Variants in DBF4B observed in about 807,000 individuals in gnomAD.
The protein encoded by DBF4B is DBF4B-CDC7 kinase regulatory subunit.
In DBF4B, 49 loss-of-function variants were observed where a neutral mutation model predicts 53.4. The ratio of observed to expected loss-of-function variants is 0.92; its 90% CI spans 0.73 to 1.16. The LOEUF (loss-of-function observed/expected upper bound fraction) is 1.16. Ranked by LOEUF, DBF4B falls within the 50% of genes most tolerant of loss-of-function variation. The pLI is 0.00. For synonymous variants in DBF4B, 257 were observed against 288.7 expected (o/e 0.89, Z 1.11); for missense variants, 692 against 775.0 (o/e 0.89, Z 1.27).
chr17:44,710,976 A>AT lies in DBF4B; in HGVS notation c.82+1637dup, dbSNP rs10522434. Reference sequence around the variant, plus strand: ...TTATTTTCGTTTTTATTCCAGTTTGATTTTTTTTTTTTTTTTTTTTTTTTT... The same window carrying AT: ...TTATTTTCGTTTTTATTCCAGTTTGATTTTTTTTTTTTTTTTTTTTTTTTTT... On this transcript the variant is annotated intron_variant, in intron 2 of 13. Coordinates refer to ENST00000315005, the MANE Select transcript of DBF4B (RefSeq NM_145663.3). 8.8e-3 allele frequency among the ~76,000 whole-genome samples: 866 copies of AT among 98,236 alleles called. 91 individuals carry two copies. The highest frequency in any genetic ancestry group is 0.019 in the South Asian group (59 of 3,126). The allele number at this position is 98,236 out of a possible 152,430, so 64.4% of individuals were successfully genotyped here. A position where few individuals can be genotyped will look rare whatever the true frequency, so the allele number is the denominator to read the frequency against.
chr17:44,714,136 C>T (rs1245469021), intron 2 of DBF4B, among the ~76,000 whole-genome samples: 1 of 152,032 alleles, frequency 6.6e-6, no homozygotes, highest in African/African-American at 2.4e-5. Flanking sequence ...GATGCAAAGA[C>T]ATGCAAAGTC....
chr17:44,714,180 A>G (rs1973137354), intron 2 of DBF4B, among the ~76,000 whole-genome samples: 1 of 152,086 alleles, frequency 6.6e-6, no homozygotes, highest in African/African-American at 2.4e-5. Context: ...ATGAGGGGGA[A>G]GGTTAGGAGA....
At position 44,730,064 on chromosome 17, in the gene DBF4B, C is replaced by T. The variant is rs770530115; in HGVS notation, c.385C>T (p.His129Tyr). 3.1e-6 allele frequency: 5 copies of T among 1,612,664 alleles called. No individual in the cohort carries two copies. In the African/African-American group the frequency reaches 4.0e-5, roughly 13 times the overall value. The change falls in exon 4 of 14, where the codon CAC (histidine) becomes TAC (tyrosine). Residue 129 changes from histidine (H) to tyrosine (Y), a missense_variant. Physicochemically the swap from His to Tyr is moderately conservative, Grantham distance 83 (BLOSUM62 2). This residue lies in a region of DBF4B where 597 missense variants were observed against 665.8 expected (regional missense o/e 0.90). Coordinates refer to ENST00000315005, the MANE Select transcript of DBF4B (RefSeq NM_145663.3). ...GGCCATGGTTGATCCAAAAGGCAGC[C>T]ACCCCAGGCCTTCACGGAAACCCGT... ...TSAMVDPKGS[H>Y]PRPSRKPVDS... is the part of the protein sequence containing the mutation.
At chr17:44,711,008 CAG>C (rs1186697026) in intron 2 of DBF4B, among the ~76,000 whole-genome samples, 3 of 95,096 alleles carry the variant, frequency 3.2e-5, no homozygotes, top group African/African-American at 1.4e-4. Flanking sequence ...TTTTTTGAGA[CAG>C]AGTCTCGCTT....
rs1567679128 is a variant in DBF4B, at chr17:44,749,307, CCT to C, written c.1189+843_1189+844del. ...AGCCCCATGCTGGCAGAGAGCTGCT[CCT>C]ACGAGTCCCCAAGGTGCTTGGCTCT... On this transcript the variant is annotated intron_variant, in intron 13 of 13. Coordinates refer to ENST00000315005, the MANE Select transcript of DBF4B (RefSeq NM_145663.3). The surrounding 1 kb of genome is among the most constrained non-coding windows in gnomAD (Gnocchi z 4.4). 1.6e-6 allele frequency: 2 copies of C among 1,290,182 alleles called. No homozygotes were observed. Among genetic ancestry groups the C allele is most frequent in the Non-Finnish European group, 2.0e-6 (2 of 988,860 alleles). 79.9% of individuals were successfully genotyped at this position (1,290,182 alleles called of 1,614,324 possible).
chr17:44,739,442 G>C (rs1975774106), intron 9 of DBF4B, among the ~76,000 whole-genome samples: 1 of 152,192 alleles, frequency 6.6e-6, no homozygotes, highest in African/African-American at 2.4e-5. Flanking sequence ...CCATCCTCCA[G>C]ACAAGCCCAG....
chr17:44,716,654 A>G (rs1973362309), intron 2 of DBF4B, among the ~76,000 whole-genome samples: 2 of 152,170 alleles, frequency 1.3e-5, no homozygotes, highest in African/African-American at 4.8e-5. Context: ...AGCCAAAAAC[A>G]TTTCCAGAGG....
At chr17:44,746,832 AGAG>A (rs1174782416) in intron 10 of DBF4B, among the ~76,000 whole-genome samples, 3 of 147,350 alleles carry the variant, frequency 2.0e-5, no homozygotes, top group African/African-American at 7.5e-5. Context: ...AAAAAAAAAA[AGAG>A]AGAGAGGACA....
intron 7 of DBF4B, among the ~76,000 whole-genome samples, chr17:44,735,187 C>A (rs1165744721): frequency 6.6e-6 from 1 of 152,194 alleles, no homozygotes; most frequent in African/African-American, 2.4e-5. Flanking sequence ...GACATTGCTG[C>A]TGTTAAATTT....
chr17:44,749,287 C>T lies in DBF4B; in HGVS notation c.1189+822C>T, dbSNP rs747291543. 1.7e-5 allele frequency: 22 copies of T among 1,290,302 alleles called. No individual in the cohort carries two copies. The South Asian group carries it at 2.7e-4, about 16-fold the overall frequency. 79.9% of individuals were successfully genotyped at this position (1,290,302 alleles called of 1,614,324 possible). Reference sequence around the variant, plus strand: ...CCAACCCCAGCCCCAGCCCCAGCCCCATGCTGGCAGAGAGCTGCTCCTACG... The same window carrying T: ...CCAACCCCAGCCCCAGCCCCAGCCCTATGCTGGCAGAGAGCTGCTCCTACG... On this transcript the variant is annotated intron_variant, in intron 13 of 13. Coordinates refer to ENST00000315005, the MANE Select transcript of DBF4B (RefSeq NM_145663.3). This position sits in a 1 kb window ranked among gnomAD's most constrained non-coding sequence, Gnocchi z 4.4.
intron 13 of DBF4B, chr17:44,748,738 A>C (rs2049179407): frequency 7.3e-7 from 1 of 1,363,504 alleles, no homozygotes; most frequent in African/African-American, 1.5e-5. Flanking sequence ...TGCTAAGAAG[A>C]GAGTGGGGGC....
intron 12 of DBF4B, 88 bp from the exon 13 acceptor site, chr17:44,748,253 C>G: frequency 6.7e-7 from 1 of 1,495,016 alleles, no homozygotes; most frequent in South Asian, 1.3e-5. Flanking sequence ...GAACCGCCAG[C>G]TGTGGCAGCT....
chr17:44,723,091 AT>A, intron 3 of DBF4B, 69 bp downstream of exon 3: 1 of 1,579,214 alleles, frequency 6.3e-7, no homozygotes, highest in Non-Finnish European at 8.6e-7. Context: ...TTGGATGGGG[AT>A]TATATCTATG....
intron 8 of DBF4B, among the ~76,000 whole-genome samples, chr17:44,737,807 A>G (rs534230447): frequency 8.6e-5 from 13 of 151,982 alleles, no homozygotes; most frequent in Admixed American, 2.6e-4. Context: ...TACCTGTGAT[A>G]TTTTTCTACC....
At chr17:44,738,455 C>T in intron 9 of DBF4B, 31 bp downstream of exon 9, 2 of 1,610,814 alleles carry the variant, frequency 1.2e-6, no homozygotes, top group South Asian at 2.2e-5. Flanking sequence ...CTGCTTGCCC[C>T]AGCTAGGCCT....
chr17:44,749,896 A>G lies in DBF4B; in HGVS notation c.1190-699A>G, dbSNP rs1297132344. 8 of 1,035,446 alleles carry G rather than the reference A, an allele frequency of 7.7e-6. No homozygotes were observed. The highest frequency in any genetic ancestry group is 9.3e-6 in the Non-Finnish European group (8 of 860,136). The allele number at this position is 1,035,446 out of a possible 1,614,324, so 64.1% of individuals were successfully genotyped here. A position where few individuals can be genotyped will look rare whatever the true frequency, so the allele number is the denominator to read the frequency against. ...TGTTTGTCCCCTCCCCCAGCCCCCC[A>G]CGCTCCCGCACACAGATCCTCAGGA... On this transcript the variant is annotated intron_variant, in intron 13 of 13. Coordinates refer to ENST00000315005, the MANE Select transcript of DBF4B (RefSeq NM_145663.3). The surrounding 1 kb of genome is among the most constrained non-coding windows in gnomAD (Gnocchi z 4.4).
At chr17:44,739,651 A>G (rs1975796231) in intron 9 of DBF4B, among the ~76,000 whole-genome samples, 1 of 152,266 alleles carries the variant, frequency 6.6e-6, no homozygotes, top group Admixed American at 6.5e-5. Context: ...GCACTGTTAC[A>G]GCCTCAGTAT....
intron 2 of DBF4B, among the ~76,000 whole-genome samples, chr17:44,714,914 G>T (rs1973199132): frequency 6.6e-6 from 1 of 151,960 alleles, no homozygotes; most frequent in African/African-American, 2.4e-5. Flanking sequence ...GCTCCCATAG[G>T]AAGGCTTTTA....
rs974948596 is a variant in DBF4B, at chr17:44,709,362, C to G, written c.78C>G (p.Asp26Glu). ...CTGAGAGTAGGCTCCGGGCCCCGGA[C>G]CTAGGTGGGTAACAGGACAGAACTA... Reference protein sequence around the residue: ...SMAESRLRAPDLGVSRCLGKC... With the variant: ...SMAESRLRAPELGVSRCLGKC... Residue 26 changes from aspartate (D) to glutamate (E), a missense_variant, in exon 2 of 14, where the codon GAC (aspartate) becomes GAG (glutamate). Transcript: ENST00000315005. The G allele has an allele frequency of 8.1e-6, 13 of 1,614,050 alleles. No individual in the cohort carries two copies. Among genetic ancestry groups the G allele is most frequent in the Non-Finnish European group, 1.1e-5 (13 of 1,179,998 alleles).
Sources: gnomAD v4.1 joint callset for allele counts (sites outside exome capture counted in the v4.1 genomes callset) on GRCh38, gnomAD v4.1.1 for gene constraint, gnomAD v4.1.1 regional missense constraint, Gnocchi (gnomAD v3.1) non-coding constraint, MANE v1.5 for transcripts, NCBI Gene and HGNC (gene_info 2026-07-23, HGNC 2026-07-21) for gene names.